The following PADI3 variants were observed in gnomAD, a reference collection of about 807,000 sequenced individuals.
PADI3 encodes peptidyl arginine deiminase 3.
In PADI3, 53 loss-of-function variants were observed where a neutral mutation model predicts 71.5. That is an observed-to-expected ratio of 0.74 (90% CI 0.59 to 0.93). The LOEUF (loss-of-function observed/expected upper bound fraction) is 0.93, where lower values mean the gene tolerates loss of function less well. PADI3 is among the 40% of genes least tolerant of loss of function. The pLI, the probability that PADI3 is intolerant of heterozygous loss-of-function variation, is 0.00. For synonymous variants in PADI3, 361 were observed against 347.5 expected (o/e 1.04, Z -0.43); for missense variants, 821 against 868.0 (o/e 0.95, Z 0.68).
At chr1:17,267,696 G>A (rs1430680882) in intron 5 of PADI3, 141 bp from the exon 6 acceptor site, 1 of 867,438 alleles carries the variant, frequency 1.2e-6, no homozygotes, top group African/African-American at 1.7e-5. Context: ...TGTTCTTGAT[G>A]GCTTCCAGGG....
At chr1:17,250,747 G>T (rs1248230824) in intron 1 of PADI3, among the ~76,000 whole-genome samples, 1 of 152,182 alleles carries the variant, frequency 6.6e-6, no homozygotes, top group Non-Finnish European at 1.5e-5. Flanking sequence ...GGGTGACTGG[G>T]CTGCGTGCCA....
chr1:17,272,314 G>A (rs930419417), intron 9 of PADI3, among the ~76,000 whole-genome samples: 1 of 152,108 alleles, frequency 6.6e-6, no homozygotes, highest in African/African-American at 2.4e-5. Context: ...AAGGGTTGAG[G>A]TCGGAGACCT....
chr1:17,283,139 C>A lies in PADI3; in HGVS notation c.*60C>A. The stretch of plus-strand genomic sequence containing the variant: ...CGGGCATTGGCCCAGGTGGTGGAGA[C>A]AGAGACAGGCCCCTGAACGATAAGC... On this transcript the variant is annotated 3_prime_UTR_variant, in exon 16 of 16. Transcript: ENST00000375460. The A allele has an allele frequency of 7.7e-7, 1 of 1,302,492 alleles. No individual in the cohort carries two copies. Among genetic ancestry groups the A allele is most frequent in the Non-Finnish European group, 1.1e-6 (1 of 906,652 alleles). 80.7% of individuals were successfully genotyped at this position (1,302,492 alleles called of 1,614,324 possible).
rs750626601 is a variant in PADI3, at chr1:17,265,725, G to A, written c.408+5G>A. The A allele has an allele frequency of 6.2e-7, 1 of 1,613,792 alleles. No homozygotes were observed. Among genetic ancestry groups the A allele is most frequent in the South Asian group, 1.1e-5 (1 of 91,082 alleles). Reference sequence around the variant, plus strand: ...GACAGGAACTTTGTAGACAAGGTAAGCATCTCTGCCTGGGCCCAGGAAGCA... The same window carrying A: ...GACAGGAACTTTGTAGACAAGGTAAACATCTCTGCCTGGGCCCAGGAAGCA... On this transcript the variant is annotated splice_donor_5th_base_variant and intron_variant, in intron 4 of 15. Transcript: ENST00000375460.
chr1:17,249,143 G>A lies in PADI3; in HGVS notation c.6G>A (p.Ser2=), dbSNP rs753157147. The change falls in exon 1 of 16, where the codon TCG becomes TCA. Residue 2 remains serine (S), a synonymous_variant. Transcript: ENST00000375460. Reference sequence around the variant, plus strand: ...CAGCTAAGTCCAACACCAGCATGTCGCTGCAGAGAATCGTGCGTGTGTCCC... The same window carrying A: ...CAGCTAAGTCCAACACCAGCATGTCACTGCAGAGAATCGTGCGTGTGTCCC... The part of the protein sequence containing the change: M[S]LQRIVRVSLE... 3.1e-6 allele frequency: 5 copies of A among 1,614,058 alleles called. No individual in the cohort carries two copies. Among genetic ancestry groups the A allele is most frequent in the Admixed American group, 3.3e-5 (2 of 60,022 alleles).
chr1:17,261,655 A>G (rs201252666), intron 2 of PADI3, among the ~76,000 whole-genome samples: 7 of 152,246 alleles, frequency 4.6e-5, no homozygotes, highest in Non-Finnish European at 1.0e-4. Context: ...GTAGAGACCT[A>G]TAGAGGTAGA....
Position 17,283,242 on chromosome 1 carries a change from A to C in PADI3, c.*163A>C. 3.3e-6 allele frequency: 2 copies of C among 608,586 alleles called. No homozygotes were observed. The highest frequency in any genetic ancestry group is 1.8e-5 in the African/African-American group (1 of 54,064). The allele number at this position is 608,586 out of a possible 1,614,324, so 37.7% of individuals were successfully genotyped here. A position where few individuals can be genotyped will look rare whatever the true frequency, so the allele number is the denominator to read the frequency against. On this transcript the variant is annotated 3_prime_UTR_variant, in exon 16 of 16. Transcript: ENST00000375460. ...AGAAGCCTTTTCCCTGGAAGTGTCC[A>C]TGCCTCACCTGCAACCCATGTGGTT... is the stretch of plus-strand genomic sequence containing the variant.
rs564947321 is a variant in PADI3, at chr1:17,268,498, C to CTTTTTTTTTTTTTTTTTTTTTTTTTT, written c.652+538_652+563dup. ...AAAAATGTATACAAGTAATAAGATG[C>CTTTTTTTTTTTTTTTTTTTTTTTTTT]TTTTTTTTTTTTTTTTTTTTTTTTT... On this transcript the variant is annotated intron_variant, in intron 6 of 15. Transcript: ENST00000375460. 2.2e-5 allele frequency among the ~76,000 whole-genome samples: 2 copies of CTTTTTTTTTTTTTTTTTTTTTTTTTT among 89,446 alleles called. 1 individual carries two copies. The highest frequency in any genetic ancestry group is 9.4e-5 in the African/African-American group (2 of 21,218). 58.7% of individuals were successfully genotyped at this position (89,446 alleles called of 152,430 possible). A position where few individuals can be genotyped will look rare whatever the true frequency, so the allele number is the denominator to read the frequency against.
intron 8 of PADI3, 37 bp from the exon 9 acceptor site, chr1:17,271,030 T>C (rs1377269182): frequency 6.2e-7 from 1 of 1,613,362 alleles, no homozygotes; most frequent in Non-Finnish European, 8.5e-7. Context: ...AGGCCCCGGC[T>C]CCATCCTGAG....
intron 1 of PADI3, among the ~76,000 whole-genome samples, chr1:17,254,678 G>C (rs1257028991): frequency 6.6e-6 from 1 of 151,580 alleles, no homozygotes; most frequent in Non-Finnish European, 1.5e-5. Context: ...GGCTCACACT[G>C]AGTCAACTCT....
At chr1:17,260,654 C>T (rs974176469) in intron 2 of PADI3, among the ~76,000 whole-genome samples, 65 of 152,328 alleles carry the variant, frequency 4.3e-4, no homozygotes, top group Non-Finnish European at 4.4e-4. Context: ...CCATCACCCC[C>T]ACCTCTGTTC....
intron 13 of PADI3, among the ~76,000 whole-genome samples, chr1:17,279,193 C>A (rs1256252752): frequency 6.6e-6 from 1 of 152,140 alleles, no homozygotes; most frequent in African/African-American, 2.4e-5. Flanking sequence ...ACCCCACCCT[C>A]GAGGGCTGAC....
At position 17,258,035 on chromosome 1, in the gene PADI3, C is replaced by T. The variant is rs575816456; in HGVS notation, c.93-1543C>T. On this transcript the variant is annotated intron_variant, in intron 1 of 15. Transcript: ENST00000375460. ...ACATGGCTGGGTTTGGATCCCAGCC[C>T]GGCCACAGACCTTGGGCAAGTTACT... is the stretch of plus-strand genomic sequence containing the variant. Among the ~76,000 whole-genome samples, 8 of 152,118 alleles carry T rather than the reference C, an allele frequency of 5.3e-5. No individual in the cohort carries two copies. In the South Asian group the frequency reaches 1.0e-3, roughly 20 times the overall value.
At chr1:17,275,436 C>CAAAAAAA in intron 11 of PADI3, among the ~76,000 whole-genome samples, 5 of 89,458 alleles carry the variant, frequency 5.6e-5, no homozygotes, top group Non-Finnish European at 8.0e-5. Flanking sequence ...GACTCCGTCT[C>CAAAAAAA]AAAAAAAAAA....
At chr1:17,255,396 A>G (rs540219286) in intron 1 of PADI3, among the ~76,000 whole-genome samples, 5 of 152,176 alleles carry the variant, frequency 3.3e-5, no homozygotes, top group Admixed American at 1.3e-4. Context: ...AGGCCTGTGC[A>G]TGGAAGCCTC....
chr1:17,258,266 G>A (rs1023519211), intron 1 of PADI3, among the ~76,000 whole-genome samples: 3 of 152,214 alleles, frequency 2.0e-5, no homozygotes. Context: ...GGTTCCCACT[G>A]AGCTGTGATC....
chr1:17,259,090 A>G (rs1051655122), intron 1 of PADI3, among the ~76,000 whole-genome samples: 33 of 152,222 alleles, frequency 2.2e-4, no homozygotes, highest in Admixed American at 1.2e-3. Flanking sequence ...TTTGTTTTGA[A>G]ACAGGGTCTT....
At chr1:17,258,964 G>T (rs1000447365) in intron 1 of PADI3, among the ~76,000 whole-genome samples, 1 of 152,242 alleles carries the variant, frequency 6.6e-6, no homozygotes, top group African/African-American at 2.4e-5. Flanking sequence ...CGAGCACATG[G>T]CTGGCTTCTG....
chr1:17,265,708 C>T lies in PADI3; in HGVS notation c.396C>T (p.Asn132=), dbSNP rs527778219. 6.8e-6 allele frequency: 11 copies of T among 1,614,098 alleles called. No individual in the cohort carries two copies. The highest frequency in any genetic ancestry group is 1.7e-6 in the Non-Finnish European group (2 of 1,179,964). ...DLNCEGRQDR[N]FVDKRQWVWG... ...ACTGTGAGGGAAGGCAGGACAGGAA[C>T]TTTGTAGACAAGGTAAGCATCTCTG... Residue 132 remains asparagine (N), a synonymous_variant, in exon 4 of 16, where the codon AAC becomes AAT. Coordinates refer to ENST00000375460, the MANE Select transcript of PADI3 (RefSeq NM_016233.2).
Sources: allele counts gnomAD v4.1 joint callset (sites outside exome capture counted in the v4.1 genomes callset), GRCh38; gene constraint gnomAD v4.1.1; transcripts MANE v1.5; gene names NCBI Gene and HGNC (gene_info 2026-07-23, HGNC 2026-07-21).